The following SOX6 variants were observed in gnomAD, a reference collection of about 807,000 sequenced individuals.
SOX6 encodes SRY-box transcription factor 6, also known as transcription factor SOX-6.
A neutral mutation model predicts 97.8 loss-of-function variants in SOX6; 11 were observed. The ratio of observed to expected loss-of-function variants is 0.11; its 90% CI spans 0.07 to 0.19. The LOEUF (loss-of-function observed/expected upper bound fraction) is 0.19. Among genes scored for constraint, SOX6 ranks in the 10% least tolerant of loss-of-function variants. The pLI is 1.00. For synonymous variants in SOX6, 360 were observed against 371.4 expected (o/e 0.97, Z 0.35); for missense variants, 810 against 1,039.5 (o/e 0.78, Z 3.04).
intron 1 of SOX6, among the ~76,000 whole-genome samples, chr11:16,468,963 C>CA (rs1860091564): frequency 1.3e-5 from 2 of 151,880 alleles, no homozygotes; most frequent in African/African-American, 2.4e-5. Flanking sequence ...TCAAATGCTT[C>CA]ATGACTATCA....
chr11:16,040,668 G>C (rs1188618160), intron 12 of SOX6, among the ~76,000 whole-genome samples: 1 of 151,988 alleles, frequency 6.6e-6, no homozygotes, highest in African/African-American at 2.4e-5. Context: ...TTGAAACTCA[G>C]ATGTGTGTCT....
chr11:16,197,300 T>C (rs760443024), intron 4 of SOX6, among the ~76,000 whole-genome samples: 6 of 152,192 alleles, frequency 3.9e-5, no homozygotes, highest in Non-Finnish European at 7.3e-5. Flanking sequence ...TCCTAGTGGG[T>C]GTGGCTGTTG....
At chr11:16,174,887 A>T (rs941220299) in intron 6 of SOX6, among the ~76,000 whole-genome samples, 4 of 151,788 alleles carry the variant, frequency 2.6e-5, no homozygotes, top group African/African-American at 4.8e-5. Context: ...AGCCCATTTT[A>T]GTCTGAGAGG....
chr11:16,464,578 A>T (rs1228342359), intron 1 of SOX6, among the ~76,000 whole-genome samples: 1 of 152,088 alleles, frequency 6.6e-6, no homozygotes, highest in Non-Finnish European at 1.5e-5. Flanking sequence ...GAGTTTCCCA[A>T]CCCCCAAAAC....
chr11:16,540,222 CAT>C (rs1399573321), intron 4 of SOX6, among the ~76,000 whole-genome samples: 3 of 152,148 alleles, frequency 2.0e-5, no homozygotes. Context: ...ACAAAAACCA[CAT>C]GATTATCTCA....
chr11:16,652,029 AT>A (rs78133343), intron 3 of SOX6, among the ~76,000 whole-genome samples: 12,924 of 152,172 alleles, frequency 0.085, 765 homozygotes, highest in Middle Eastern at 0.22. Flanking sequence ...CTGCAAAAAA[AT>A]ATATGCCTAA....
At chr11:16,079,979 G>A (rs2133953477) in intron 9 of SOX6, among the ~76,000 whole-genome samples, 1 of 148,366 alleles carries the variant, frequency 6.7e-6, no homozygotes, top group South Asian at 2.1e-4. Context: ...ATATGATACT[G>A]ATATACAGCA....
intron 10 of SOX6, among the ~76,000 whole-genome samples, chr11:16,052,686 G>A (rs990095672): frequency 3.3e-5 from 5 of 152,216 alleles, no homozygotes; most frequent in African/African-American, 1.2e-4. Context: ...CTGGAGTGAC[G>A]AAGTTTCTGT....
intron 2 of SOX6, among the ~76,000 whole-genome samples, chr11:16,726,256 A>C (rs1206537949): frequency 6.6e-6 from 1 of 152,216 alleles, no homozygotes; most frequent in Non-Finnish European, 1.5e-5. Flanking sequence ...TAAAAATACA[A>C]AGATCAGCTG....
intron 6 of SOX6, among the ~76,000 whole-genome samples, chr11:16,172,146 A>C (rs2134085256): frequency 6.6e-6 from 1 of 152,020 alleles, no homozygotes; most frequent in East Asian, 1.9e-4. Context: ...TCAAATGAAA[A>C]TGCAACACTT....
intron 4 of SOX6, among the ~76,000 whole-genome samples, chr11:16,518,485 G>T (rs1861009027): frequency 6.6e-6 from 1 of 152,190 alleles, no homozygotes; most frequent in South Asian, 2.1e-4. Context: ...AATACCTATT[G>T]TCTTCTTCAC....
intron 9 of SOX6, among the ~76,000 whole-genome samples, chr11:16,068,318 G>C (rs1848142042): frequency 6.6e-6 from 1 of 152,164 alleles, no homozygotes; most frequent in South Asian, 2.1e-4. Flanking sequence ...ATGGTGACAG[G>C]CGTAATTAAG....
In SOX6 at chr11:16,015,007, T is replaced by C; in HGVS notation, c.1667A>G (p.Lys556Arg). 1.2e-6 allele frequency: 2 copies of C among 1,612,988 alleles called. No homozygotes were observed. Among genetic ancestry groups the C allele is most frequent in the Non-Finnish European group, 1.7e-6 (2 of 1,179,334 alleles). Residue 556 changes from lysine (K) to arginine (R), a missense_variant, in exon 13 of 16, where the codon AAG becomes AGG. Transcript: ENST00000683767. ...FENLGPQLTG[K>R]SNEDGKLGPG... ...GCCCAGTTTTCCATCTTCATTTGACTTTCCCGTTAACTGGGGCCCCAAATT... is the reference window on the plus strand; with the variant it reads ...GCCCAGTTTTCCATCTTCATTTGACCTTCCCGTTAACTGGGGCCCCAAATT...
intron 4 of SOX6, among the ~76,000 whole-genome samples, chr11:16,568,828 C>T (rs1847905278): frequency 6.6e-6 from 1 of 152,098 alleles, no homozygotes; most frequent in Non-Finnish European, 1.5e-5. Context: ...TTTACACTGT[C>T]CACCCTTACT....
At chr11:16,152,116 A>T (rs377623233) in intron 6 of SOX6, among the ~76,000 whole-genome samples, 27 of 152,296 alleles carry the variant, frequency 1.8e-4, no homozygotes, top group Middle Eastern at 3.4e-3. Context: ...TTTGACAAAA[A>T]CATGTTCTTT....
chr11:16,002,645 T>C (rs1221270339), intron 13 of SOX6, among the ~76,000 whole-genome samples: 1 of 152,158 alleles, frequency 6.6e-6, no homozygotes, highest in Non-Finnish European at 1.5e-5. Context: ...CAGAGACCAC[T>C]GAGGTTGAAA....
intron 3 of SOX6, among the ~76,000 whole-genome samples, chr11:16,248,953 T>C (rs537631079): frequency 6.6e-6 from 1 of 151,864 alleles, no homozygotes; most frequent in Non-Finnish European, 1.5e-5. Flanking sequence ...AAAAGAAAAT[T>C]AGCTGGGCAT....
At chr11:16,560,330 G>T (rs1286216464) in intron 4 of SOX6, among the ~76,000 whole-genome samples, 1 of 152,076 alleles carries the variant, frequency 6.6e-6, no homozygotes, top group Non-Finnish European at 1.5e-5. Context: ...ACGTGTAATT[G>T]ACAGTGTTAT....
chr11:16,517,160 C>G (rs1189578666), intron 4 of SOX6, among the ~76,000 whole-genome samples: 4 of 151,700 alleles, frequency 2.6e-5, no homozygotes, highest in South Asian at 2.1e-4. Flanking sequence ...AATAAATTAG[C>G]TATTGATGGG....
Sources: gnomAD v4.1 joint callset for allele counts (sites outside exome capture counted in the v4.1 genomes callset) on GRCh38, gnomAD v4.1.1 for gene constraint, MANE v1.5 for transcripts, NCBI Gene and HGNC (gene_info 2026-07-23, HGNC 2026-07-21) for gene names.